Variants in CNTNAP5 observed in about 807,000 individuals in gnomAD.
CNTNAP5 encodes contactin associated protein family member 5.
Under a neutral mutation model 150.2 loss-of-function variants are expected in CNTNAP5, and 72 were observed. The ratio of observed to expected loss-of-function variants is 0.48; its 90% CI spans 0.40 to 0.58. The LOEUF is 0.58. CNTNAP5 is among the 20% of genes least tolerant of loss of function. CNTNAP5 has a pLI of 0.00. For synonymous variants in CNTNAP5, 672 were observed against 619.8 expected, an observed-to-expected ratio of 1.08 and a Z score of -1.25; for missense variants, 1,636 against 1,626.2, an observed-to-expected ratio of 1.01 and a Z score of -0.10.
chr2:124,891,698 G>A (rs1678198633), intron 21 of CNTNAP5, among the ~76,000 whole-genome samples: 2 of 152,122 alleles, frequency 1.3e-5, no homozygotes, highest in South Asian at 2.1e-4. Flanking sequence ...TTATTTGTTA[G>A]AAGAGAGTTG....
intron 19 of CNTNAP5, among the ~76,000 whole-genome samples, chr2:124,806,447 C>G (rs1006570072): frequency 6.6e-6 from 1 of 152,108 alleles, no homozygotes; most frequent in Admixed American, 6.6e-5. Flanking sequence ...TGTCCTGCCA[C>G]CTGTGATGTA....
intron 1 of CNTNAP5, among the ~76,000 whole-genome samples, chr2:124,174,514 A>G (rs1590149): frequency 0.77 from 117,783 of 152,162 alleles, 46,218 homozygotes; most frequent in Non-Finnish European, 0.8. Flanking sequence ...GAAAGTAACT[A>G]TAGATGTGGT....
chr2:124,346,552 A>T (rs1364138151), intron 3 of CNTNAP5, among the ~76,000 whole-genome samples: 1 of 152,136 alleles, frequency 6.6e-6, no homozygotes, highest in South Asian at 2.1e-4. Context: ...GAATATATAA[A>T]TTCTATTGAT....
intron 1 of CNTNAP5, among the ~76,000 whole-genome samples, chr2:124,183,600 C>T (rs1255579757): frequency 6.6e-6 from 1 of 152,188 alleles, no homozygotes; most frequent in Non-Finnish European, 1.5e-5. Context: ...TACAGTCTGT[C>T]CTTTCTTATT....
chr2:124,452,358 A>G (rs1693004788), intron 6 of CNTNAP5, among the ~76,000 whole-genome samples: 2 of 151,976 alleles, frequency 1.3e-5, no homozygotes, highest in Non-Finnish European at 2.9e-5. Context: ...TGGGAACCTC[A>G]CCCTAATCCT....
At chr2:124,574,310 G>A (rs746903921) in intron 11 of CNTNAP5, among the ~76,000 whole-genome samples, 1 of 152,116 alleles carries the variant, frequency 6.6e-6, no homozygotes. Flanking sequence ...TGGATTATAC[G>A]TGGATTATAC....
intron 4 of CNTNAP5, among the ~76,000 whole-genome samples, chr2:124,428,785 T>A (rs561321847): frequency 6.6e-6 from 1 of 152,056 alleles, no homozygotes; most frequent in East Asian, 1.9e-4. Flanking sequence ...TAGTTCCTTT[T>A]CCCCCTGGGA....
intron 7 of CNTNAP5, among the ~76,000 whole-genome samples, chr2:124,498,086 G>A (rs990975906): frequency 2.0e-5 from 3 of 152,172 alleles, no homozygotes; most frequent in Admixed American, 2.0e-4. Flanking sequence ...CTGCGACAGA[G>A]GAAAGCTTTT....
At chr2:124,666,410 G>A (rs982957753) in intron 13 of CNTNAP5, among the ~76,000 whole-genome samples, 1 of 152,176 alleles carries the variant, frequency 6.6e-6, no homozygotes, top group African/African-American at 2.4e-5. Flanking sequence ...CTTAACCCTT[G>A]TCTGGCAGAG....
intron 3 of CNTNAP5, among the ~76,000 whole-genome samples, chr2:124,398,485 T>TTTATTTATTTAA (rs1235230179): frequency 3.5e-5 from 4 of 115,596 alleles, no homozygotes; most frequent in Admixed American, 8.3e-5. Context: ...TTTTACTTTA[T>TTTATTTATTTAA]TTATTTATTT....
At chr2:124,807,431 A>T (rs1191382398) in intron 19 of CNTNAP5, among the ~76,000 whole-genome samples, 1 of 152,182 alleles carries the variant, frequency 6.6e-6, no homozygotes, top group Non-Finnish European at 1.5e-5. Context: ...ATTTCCTAGC[A>T]GCTAATACCT....
intron 2 of CNTNAP5, among the ~76,000 whole-genome samples, chr2:124,231,715 T>G (rs555331025): frequency 6.6e-6 from 1 of 152,286 alleles, no homozygotes; most frequent in African/African-American, 2.4e-5. Flanking sequence ...AACAATGCCT[T>G]AGGCCTCTTC....
chr2:124,875,785 G>A (rs890085309), intron 21 of CNTNAP5, among the ~76,000 whole-genome samples: 2 of 147,234 alleles, frequency 1.4e-5, no homozygotes, highest in African/African-American at 5.0e-5. Context: ...GTGCTCAACT[G>A]TGCTCCAAAA....
chr2:124,477,710 A>T lies in CNTNAP5; in HGVS notation c.1062+2828A>T, dbSNP rs1693674184. On this transcript the variant is annotated intron_variant, in intron 7 of 23. Transcript: ENST00000682447. ...TTTGGAGTCTTGGGCTATGGAAAGC[A>T]CACTCATTCCTATCCCTTTCCCAAT... Among the ~76,000 whole-genome samples, 3 of 149,264 alleles carry T rather than the reference A, an allele frequency of 2.0e-5. 1 individual carries two copies. Among genetic ancestry groups the T allele is most frequent in the Non-Finnish European group, 3.0e-5 (2 of 67,694 alleles).
chr2:124,643,722 A>T (rs1678144141), intron 12 of CNTNAP5, among the ~76,000 whole-genome samples: 1 of 152,204 alleles, frequency 6.6e-6, no homozygotes, highest in African/African-American at 2.4e-5. Context: ...TCATTATGAT[A>T]CTTCTATGGA....
chr2:124,650,258 C>G (rs779506308), intron 13 of CNTNAP5, among the ~76,000 whole-genome samples: 5 of 152,184 alleles, frequency 3.3e-5, no homozygotes, highest in Non-Finnish European at 5.9e-5. Context: ...TGAACCACTT[C>G]ATCCTCTTGG....
At chr2:124,842,904 A>AT (rs142707430) in intron 19 of CNTNAP5, among the ~76,000 whole-genome samples, 4,772 of 150,588 alleles carry the variant, frequency 0.032, 244 homozygotes, top group African/African-American at 0.11. Flanking sequence ...TCTCTTTTTA[A>AT]TTTTTTTTTT....
intron 3 of CNTNAP5, among the ~76,000 whole-genome samples, chr2:124,397,048 T>C (rs1691268904): frequency 6.6e-6 from 1 of 152,180 alleles, no homozygotes; most frequent in Non-Finnish European, 1.5e-5. Flanking sequence ...TATATTGCAA[T>C]GATGAAAGCT....
At chr2:124,145,663 A>T (rs1402112353) in intron 1 of CNTNAP5, among the ~76,000 whole-genome samples, 3 of 66,158 alleles carry the variant, frequency 4.5e-5, no homozygotes, top group African/African-American at 1.9e-4. Context: ...GGGAGGGGGG[A>T]GGGATAGCAT....
Sources: allele counts gnomAD v4.1 joint callset (sites outside exome capture counted in the v4.1 genomes callset), GRCh38; gene constraint gnomAD v4.1.1; transcripts MANE v1.5; gene names NCBI Gene and HGNC (gene_info 2026-07-23, HGNC 2026-07-21).